OPCML: variants seen among roughly 807,000 people sequenced by gnomAD.
The protein encoded by OPCML is opioid-binding protein/cell adhesion molecule.
OPCML carries 13 observed loss-of-function variants against 37.8 expected under a neutral mutation model. That is an observed-to-expected ratio of 0.34 (90% CI 0.22 to 0.55). OPCML has a LOEUF of 0.55. OPCML is among the 20% of genes least tolerant of loss of function. The pLI, the probability that OPCML is intolerant of heterozygous loss-of-function variation, is 0.91. For missense variants in OPCML, 341 were observed against 435.6 expected, an observed-to-expected ratio of 0.78 and a Z score of 1.93; for synonymous variants, 176 against 168.8, an observed-to-expected ratio of 1.04 and a Z score of -0.33.
chr11:133,353,199 C>G (rs1407090442), intron 1 of OPCML, among the ~76,000 whole-genome samples: 1 of 152,134 alleles, frequency 6.6e-6, no homozygotes, highest in East Asian at 1.9e-4. Flanking sequence ...TACAGTCTCA[C>G]CCTATTGCCC....
intron 3 of OPCML, among the ~76,000 whole-genome samples, chr11:132,626,614 G>A (rs1360830462): frequency 2.6e-5 from 4 of 151,796 alleles, no homozygotes; most frequent in Admixed American, 6.6e-5. Flanking sequence ...TAAGGGCCTC[G>A]TGACATGGCT....
At chr11:132,985,278 G>A (rs1342251794) in intron 1 of OPCML, among the ~76,000 whole-genome samples, 1 of 152,184 alleles carries the variant, frequency 6.6e-6, no homozygotes, top group East Asian at 1.9e-4. Flanking sequence ...AAGGTCTGGG[G>A]TGGCCAAGGC....
intron 2 of OPCML, among the ~76,000 whole-genome samples, chr11:132,804,025 C>A (rs1938846040): frequency 6.6e-6 from 1 of 152,160 alleles, no homozygotes; most frequent in African/African-American, 2.4e-5. Context: ...AATGGAGTAA[C>A]TGTATTGGAA....
intron 1 of OPCML, among the ~76,000 whole-genome samples, chr11:133,119,851 C>T (rs922317503): frequency 2.6e-5 from 4 of 151,890 alleles, no homozygotes; most frequent in South Asian, 2.1e-4. Flanking sequence ...GTGAAGTGGG[C>T]GGTGGAGCAG....
chr11:133,458,251 T>TATACACGTGTGTGTATATATACACAA (rs1946730639), intron 1 of OPCML, among the ~76,000 whole-genome samples: 1 of 91,626 alleles, frequency 1.1e-5, no homozygotes, highest in Non-Finnish European at 1.9e-5. Flanking sequence ...TATACACATA[T>TATACACGTGTGTGTATATATACACAA]ATATACACGT....
At chr11:133,008,492 G>T in intron 1 of OPCML, 1 of 893,582 alleles carries the variant, frequency 1.1e-6, no homozygotes, top group African/African-American at 1.8e-5. Context: ...AGAGAAGAAC[G>T]TATTTCTCCA....
At chr11:132,585,947 G>T (rs1297891332) in intron 3 of OPCML, among the ~76,000 whole-genome samples, 1 of 152,172 alleles carries the variant, frequency 6.6e-6, no homozygotes, top group Non-Finnish European at 1.5e-5. Flanking sequence ...GGGGTAAGTT[G>T]TTGGATGCAG....
At chr11:133,184,244 G>T (rs911178686) in intron 1 of OPCML, among the ~76,000 whole-genome samples, 2 of 152,230 alleles carry the variant, frequency 1.3e-5, no homozygotes, top group African/African-American at 2.4e-5. Context: ...GGGGAGATAG[G>T]GTGGTGAATA....
At chr11:133,119,507 C>T (rs1409188234) in intron 1 of OPCML, among the ~76,000 whole-genome samples, 3 of 152,072 alleles carry the variant, frequency 2.0e-5, no homozygotes, top group East Asian at 1.9e-4. Context: ...CTTCTTGGTA[C>T]GCAGCCCAGC....
At chr11:133,334,979 A>G (rs1943711163) in intron 1 of OPCML, among the ~76,000 whole-genome samples, 1 of 152,208 alleles carries the variant, frequency 6.6e-6, no homozygotes, top group Non-Finnish European at 1.5e-5. Context: ...CTGGACCCTA[A>G]ATCTGAAACA....
chr11:132,988,711 A>G (rs1227358947), intron 1 of OPCML, among the ~76,000 whole-genome samples: 1 of 152,230 alleles, frequency 6.6e-6, no homozygotes, highest in East Asian at 1.9e-4. Context: ...CGATGAGGTG[A>G]GGTCAGGAAT....
chr11:132,757,813 T>C (rs1014186928), intron 2 of OPCML, among the ~76,000 whole-genome samples: 6 of 152,228 alleles, frequency 3.9e-5, no homozygotes, highest in Admixed American at 2.6e-4. Context: ...TAGATTCCAT[T>C]TGTCAATTTT....
At chr11:132,958,703 C>G (rs939826664) in intron 1 of OPCML, among the ~76,000 whole-genome samples, 10 of 152,220 alleles carry the variant, frequency 6.6e-5, no homozygotes, top group Admixed American at 6.5e-5. Context: ...CATGCCAAAT[C>G]TACTCTTCCT....
intron 4 of OPCML, among the ~76,000 whole-genome samples, chr11:132,464,842 T>C (rs902156232): frequency 3.3e-5 from 5 of 152,190 alleles, no homozygotes; most frequent in African/African-American, 9.7e-5. Flanking sequence ...GTGTTATATG[T>C]ACAAGATGTG....
intron 1 of OPCML, among the ~76,000 whole-genome samples, chr11:133,393,541 A>T (rs941124021): frequency 1.3e-5 from 2 of 152,134 alleles, no homozygotes; most frequent in African/African-American, 4.8e-5. Flanking sequence ...TTATAGAATG[A>T]TGTTGACCAC....
intron 1 of OPCML, among the ~76,000 whole-genome samples, chr11:133,381,425 C>A (rs1034779282): frequency 2.0e-5 from 3 of 152,178 alleles, no homozygotes; most frequent in African/African-American, 7.2e-5. Context: ...CAGCTTGGAG[C>A]AGAGTGTGTT....
chr11:132,753,191 G>A (rs1945899692), intron 2 of OPCML, among the ~76,000 whole-genome samples: 1 of 151,978 alleles, frequency 6.6e-6, no homozygotes, highest in South Asian at 2.1e-4. Flanking sequence ...ACTCCTTCCT[G>A]GCTCCCAGTC....
chr11:132,957,598 T>C (rs867786005), intron 1 of OPCML, among the ~76,000 whole-genome samples: 5 of 152,334 alleles, frequency 3.3e-5, no homozygotes, highest in Middle Eastern at 3.4e-3. Flanking sequence ...AGATACTGGG[T>C]ATTTTACAAA....
chr11:132,475,030 C>A (rs893924884), intron 4 of OPCML, among the ~76,000 whole-genome samples: 10 of 152,208 alleles, frequency 6.6e-5, no homozygotes, highest in African/African-American at 2.2e-4. Flanking sequence ...AGTTATTTCA[C>A]CAGCCCTAGG....
Sources: allele counts gnomAD v4.1 joint callset (sites outside exome capture counted in the v4.1 genomes callset), GRCh38; gene constraint gnomAD v4.1.1; transcripts MANE v1.5; gene names NCBI Gene and HGNC (gene_info 2026-07-23, HGNC 2026-07-21).